The following UGT1A5 variants were observed in gnomAD, a reference collection of about 807,000 sequenced individuals.
UGT1A5 encodes the protein UDP glucuronosyltransferase family 1 member A5.
UGT1A5 carries 29 observed loss-of-function variants against 40.3 expected under a neutral mutation model. The ratio of observed to expected loss-of-function variants is 0.72; its 90% CI spans 0.54 to 0.98. The LOEUF is 0.98. Ranked by LOEUF, UGT1A5 falls within the 50% of genes least tolerant of loss-of-function variation. The pLI, the probability that UGT1A5 is intolerant of heterozygous loss-of-function variation, is 0.00. For missense variants in UGT1A5, 678 were observed against 677.9 expected (o/e 1.00, Z 0.00); for synonymous variants, 257 against 262.5 (o/e 0.98, Z 0.20).
intron 1 of UGT1A5, among the ~76,000 whole-genome samples, chr2:233,720,293 G>A (rs1340833186): frequency 6.6e-6 from 1 of 152,182 alleles, no homozygotes; most frequent in Non-Finnish European, 1.5e-5. Flanking sequence ...CTGACCAGGA[G>A]TTGGGGGTCT....
chr2:233,750,415 A>C (rs2885296), intron 1 of UGT1A5, among the ~76,000 whole-genome samples: 45,966 of 151,754 alleles, frequency 0.3, 7,352 homozygotes, highest in South Asian at 0.39. Context: ...CATGTGGTAG[A>C]AAAGAAAAAC....
chr2:233,728,938 C>T (rs1263603941), intron 1 of UGT1A5, among the ~76,000 whole-genome samples: 18 of 152,162 alleles, frequency 1.2e-4, no homozygotes, highest in Admixed American at 9.2e-4. Flanking sequence ...CGGTCTTTTC[C>T]AGGGTGGGGC....
chr2:233,718,539 A>G (rs2076661264), intron 1 of UGT1A5, among the ~76,000 whole-genome samples: 1 of 152,200 alleles, frequency 6.6e-6, no homozygotes, highest in African/African-American at 2.4e-5. Flanking sequence ...TGTGTTGGGA[A>G]TTGAATGAGA....
Position 233,713,624 on chromosome 2 carries a change from C to G in UGT1A5, c.633C>G (p.Val211=). The G allele has an allele frequency of 6.2e-7, 1 of 1,613,964 alleles. No homozygotes were observed. Among genetic ancestry groups the G allele is most frequent in the Non-Finnish European group, 8.5e-7 (1 of 1,179,852 alleles). Residue 211 remains valine, a synonymous_variant, in exon 1 of 5, where the codon GTC becomes GTG. Transcript: ENST00000373414. ...NSDHMTFLQR[V]KNMLYPLALS... Reference sequence around the variant, plus strand: ...ACCACATGACATTCCTGCAAAGGGTCAAGAACATGCTCTACCCTCTGGCCC... The same window carrying G: ...ACCACATGACATTCCTGCAAAGGGTGAAGAACATGCTCTACCCTCTGGCCC...
intron 1 of UGT1A5, among the ~76,000 whole-genome samples, chr2:233,716,620 A>G (rs1358679333): frequency 2.0e-5 from 3 of 152,166 alleles, no homozygotes; most frequent in Non-Finnish European, 2.9e-5. Context: ...GGTTTATTCT[A>G]GTGAAGTTTT....
At chr2:233,768,033 A>C in intron 3 of UGT1A5, 97 bp downstream of exon 3, 1 of 1,612,338 alleles carries the variant, frequency 6.2e-7, no homozygotes, top group South Asian at 1.1e-5. Flanking sequence ...GCTTGAAAAT[A>C]TTATGGCCAA....
intron 1 of UGT1A5, among the ~76,000 whole-genome samples, chr2:233,715,442 T>G (rs560027833): frequency 2.6e-5 from 4 of 152,318 alleles, no homozygotes; most frequent in Admixed American, 2.6e-4. Context: ...ATGTGACTCC[T>G]ATGTTATTTT....
intron 1 of UGT1A5, chr2:233,760,629 G>A: frequency 6.2e-7 from 1 of 1,614,104 alleles, no homozygotes; most frequent in East Asian, 2.2e-5. Context: ...AAACATACAA[G>A]AAAATAAAAA....
intron 1 of UGT1A5, among the ~76,000 whole-genome samples, chr2:233,738,200 C>A (rs1199969775): frequency 6.6e-6 from 1 of 152,170 alleles, no homozygotes; most frequent in Non-Finnish European, 1.5e-5. Context: ...CTCTCTCTCA[C>A]TTTCTGCCAG....
At chr2:233,756,970 G>A (rs550793027) in intron 1 of UGT1A5, among the ~76,000 whole-genome samples, 57 of 152,062 alleles carry the variant, frequency 3.7e-4, no homozygotes, top group Non-Finnish European at 5.3e-4. Context: ...TGGTAAGCAC[G>A]CAATGAACAG....
rs377261801 is a variant in UGT1A5, at chr2:233,719,531, G to C, written c.867+5673G>C. On this transcript the variant is annotated intron_variant, in intron 1 of 4. Transcript: ENST00000373414. ...CCCCTTATGCAAGTCTTGCCTCTGAGCTTTTTCAGAGAGAGGTGTCAGTGG... is the reference window on the plus strand; with the variant it reads ...CCCCTTATGCAAGTCTTGCCTCTGACCTTTTTCAGAGAGAGGTGTCAGTGG... 3.1e-5 allele frequency: 50 copies of C among 1,613,928 alleles called. No homozygotes were observed. In the African/African-American group the frequency reaches 6.5e-4, roughly 21 times the overall value.
rs765390164 is a variant in UGT1A5 at position 233,768,290 on chromosome 2, C to T, written c.1158C>T (p.Gly386=). ...SHGVYESICN[G]VPMVMMPLFG... is the part of the protein sequence containing the mutation. Reference sequence around the variant, plus strand: ...GTGTTTATGAAAGCATATGCAATGGCGTTCCCATGGTGATGATGCCCTTGT... The same window carrying T: ...GTGTTTATGAAAGCATATGCAATGGTGTTCCCATGGTGATGATGCCCTTGT... Residue 386 remains glycine, a synonymous_variant, in exon 4 of 5, where the codon GGC becomes GGT. Coordinates refer to ENST00000373414, the MANE Select transcript of UGT1A5 (RefSeq NM_019078.2). The T allele has an allele frequency of 5.0e-6, 8 of 1,614,064 alleles. No individual in the cohort carries two copies. Among genetic ancestry groups the T allele is most frequent in the African/African-American group, 2.7e-5 (2 of 74,922 alleles).
At chr2:233,724,637 T>G (rs1254622802) in intron 1 of UGT1A5, among the ~76,000 whole-genome samples, 13 of 131,504 alleles carry the variant, frequency 9.9e-5, no homozygotes, top group African/African-American at 2.7e-4. Context: ...TTCCTAGATG[T>G]GATGGCGGCT....
Position 233,772,266 on chromosome 2 carries a change from AAGG to A in UGT1A5, c.1315_1317del (p.Glu439del). ...CGAAACTGTCTTTGTGTTTAGTTAC[AAGG>A]AGAACATCATGCGCCTCTCCAGCCT... is the stretch of plus-strand genomic sequence containing the variant. On this transcript the variant is annotated inframe_deletion, in exon 5 of 5. Coordinates refer to ENST00000373414, the MANE Select transcript of UGT1A5 (RefSeq NM_019078.2). 1 of 1,614,262 alleles carries A rather than the reference AAGG, an allele frequency of 6.2e-7. No homozygotes were observed. The highest frequency in any genetic ancestry group is 8.5e-7 in the Non-Finnish European group (1 of 1,180,048).
chr2:233,725,819 A>G (rs2077477278), intron 1 of UGT1A5, among the ~76,000 whole-genome samples: 1 of 152,214 alleles, frequency 6.6e-6, no homozygotes, highest in South Asian at 2.1e-4. Context: ...TTTATTGGAT[A>G]CCAGTATTGC....
At position 233,743,108 on chromosome 2, in the gene UGT1A5, C is replaced by G. The variant is rs1240722532; in HGVS notation, c.868-23926C>G. ...TTATAAATTCTTGGGTACAGCTGTT[C>G]TGAAAGTAAAGTTCACTTTCAATCC... On this transcript the variant is annotated intron_variant, in intron 1 of 4. Transcript: ENST00000373414. The G allele has an allele frequency of 4.8e-5, 17 of 354,252 alleles. No homozygotes were observed. The East Asian group carries it at 6.6e-4, about 14-fold the overall frequency. The allele number at this position is 354,252 out of a possible 1,614,324, so 21.9% of individuals were successfully genotyped here.
chr2:233,725,192 A>G lies in UGT1A5; in HGVS notation c.867+11334A>G, dbSNP rs1239126007. On this transcript the variant is annotated intron_variant, in intron 1 of 4. Coordinates refer to ENST00000373414, the MANE Select transcript of UGT1A5 (RefSeq NM_019078.2). ...GGAGACCGTGGGGAGAGGCAGAGGC[A>G]GAGGCAGAGGCAGAGGCAGAGGCAG... is the stretch of plus-strand genomic sequence containing the variant. Among the ~76,000 whole-genome samples, 60 of 84,600 alleles carry G rather than the reference A, an allele frequency of 7.1e-4. 1 individual carries two copies. The highest frequency in any genetic ancestry group is 0.011 in the Middle Eastern group (2 of 180). The allele number at this position is 84,600 out of a possible 152,430, so 55.5% of individuals were successfully genotyped here.
chr2:233,762,253 C>T (rs1056806461), intron 1 of UGT1A5, among the ~76,000 whole-genome samples: 3 of 152,100 alleles, frequency 2.0e-5, no homozygotes, highest in African/African-American at 7.2e-5. Context: ...AGGCACCCAC[C>T]GAATATGTGT....
chr2:233,764,964 G>A (rs1018241082), intron 1 of UGT1A5, among the ~76,000 whole-genome samples: 15 of 152,140 alleles, frequency 9.9e-5, no homozygotes, highest in Non-Finnish European at 2.9e-5. Context: ...CTCACCTTGG[G>A]AGAAGGATGG....
Sources: allele counts gnomAD v4.1 joint callset (sites outside exome capture counted in the v4.1 genomes callset), GRCh38; gene constraint gnomAD v4.1.1; transcripts MANE v1.5; gene names NCBI Gene and HGNC (gene_info 2026-07-23, HGNC 2026-07-21).